The following ZDHHC3 variants were observed in gnomAD, a reference collection of about 807,000 sequenced individuals.
ZDHHC3 encodes the protein palmitoyltransferase ZDHHC3.
In ZDHHC3, 9 loss-of-function variants were observed where a neutral mutation model predicts 30.6. That is an observed-to-expected ratio of 0.29 (90% CI 0.18 to 0.51). ZDHHC3 has a LOEUF of 0.51. Among genes scored for constraint, ZDHHC3 ranks in the 20% least tolerant of loss-of-function variants. The probability of loss-of-function intolerance (pLI) is 0.97; values close to 1 mark genes in which losing one functional copy is unlikely to be tolerated. For synonymous variants in ZDHHC3, 136 were observed against 140.2 expected (o/e 0.97, Z 0.21); for missense variants, 246 against 384.2 (o/e 0.64, Z 3.01).
intron 5 of ZDHHC3, 93 bp from the exon 6 acceptor site, chr3:44,929,529 C>G: frequency 2.6e-6 from 4 of 1,515,870 alleles, no homozygotes; most frequent in Non-Finnish European, 2.7e-6. Flanking sequence ...CTGCCTCCTG[C>G]TTGCAGGCCT....
intron 3 of ZDHHC3, among the ~76,000 whole-genome samples, chr3:44,944,943 T>C (rs890573630): frequency 2.0e-5 from 3 of 152,152 alleles, no homozygotes; most frequent in Admixed American, 2.0e-4. Context: ...GGGACAGGTG[T>C]CCTGAGGCCA....
At chr3:44,930,670 C>T (rs1701412672) in intron 5 of ZDHHC3, among the ~76,000 whole-genome samples, 1 of 152,232 alleles carries the variant, frequency 6.6e-6, no homozygotes, top group Non-Finnish European at 1.5e-5. Flanking sequence ...AGATACCAAG[C>T]ACCATGTGGG....
At position 44,921,049 on chromosome 3, in the gene ZDHHC3, T is replaced by C; in HGVS notation, c.*5640A>G. The C allele has an allele frequency of 1.0e-6, 1 of 985,410 alleles. No homozygotes were observed. Among genetic ancestry groups the C allele is most frequent in the South Asian group, 4.7e-5 (1 of 21,284 alleles). 61.0% of individuals were successfully genotyped at this position (985,410 alleles called of 1,614,324 possible). A position where few individuals can be genotyped will look rare whatever the true frequency, so the allele number is the denominator to read the frequency against. The stretch of plus-strand genomic sequence containing the variant: ...AGGAGCAGTAATAGTAGCTTCAGGC[T>C]CAAGAGAACGAACAAAAATGGTTGA... On this transcript the variant is annotated 3_prime_UTR_variant, in exon 7 of 7. Transcript: ENST00000424952.
At chr3:44,962,832 C>A (rs1704601025) in intron 1 of ZDHHC3, among the ~76,000 whole-genome samples, 1 of 152,182 alleles carries the variant, frequency 6.6e-6, no homozygotes, top group Non-Finnish European at 1.5e-5. Context: ...CCCACATATC[C>A]TCTATTTACT....
Position 44,921,854 on chromosome 3 carries a change from C to A in ZDHHC3, c.*4835G>T. On this transcript the variant is annotated 3_prime_UTR_variant, in exon 7 of 7. Coordinates refer to ENST00000424952, the MANE Select transcript of ZDHHC3 (RefSeq NM_001135179.2). ...TGGTCACCAGACTATATGGCCTCAG[C>A]TGCAGAAATTCAGGGCATCCTTATG... 1.0e-6 allele frequency: 1 copy of A among 985,448 alleles called. No individual in the cohort carries two copies. Among genetic ancestry groups the A allele is most frequent in the South Asian group, 4.7e-5 (1 of 21,292 alleles). 61.0% of individuals were successfully genotyped at this position (985,448 alleles called of 1,614,324 possible). A position where few individuals can be genotyped will look rare whatever the true frequency, so the allele number is the denominator to read the frequency against.
chr3:44,955,027 C>T (rs1472140851), intron 2 of ZDHHC3, among the ~76,000 whole-genome samples: 2 of 152,100 alleles, frequency 1.3e-5, no homozygotes, highest in African/African-American at 4.8e-5. Context: ...ACACAGAAAG[C>T]CCCTATAATG....
chr3:44,926,669 G>C lies in ZDHHC3; in HGVS notation c.*20C>G. The C allele has an allele frequency of 6.4e-7, 1 of 1,572,286 alleles. No individual in the cohort carries two copies. Among genetic ancestry groups the C allele is most frequent in the Non-Finnish European group, 8.6e-7 (1 of 1,162,356 alleles). On this transcript the variant is annotated 3_prime_UTR_variant, in exon 7 of 7. Transcript: ENST00000424952. The stretch of plus-strand genomic sequence containing the variant: ...TGTGGTGTGGACTTGTGTCTGAGTG[G>C]CCATGCCGGTCGGGGTCCTTCAGAC...
Position 44,922,732 on chromosome 3 carries a change from C to CGCTCGGTTTCTGGTTT in ZDHHC3, c.*3956_*3957insAAACCAGAAACCGAGC. 5 of 984,680 alleles carry CGCTCGGTTTCTGGTTT rather than the reference C, an allele frequency of 5.1e-6. No homozygotes were observed. The highest frequency in any genetic ancestry group is 6.0e-6 in the Non-Finnish European group (5 of 829,328). The allele number at this position is 984,680 out of a possible 1,614,324, so 61.0% of individuals were successfully genotyped here. A position where few individuals can be genotyped will look rare whatever the true frequency, so the allele number is the denominator to read the frequency against. On this transcript the variant is annotated 3_prime_UTR_variant, in exon 7 of 7. Coordinates refer to ENST00000424952, the MANE Select transcript of ZDHHC3 (RefSeq NM_001135179.2). The stretch of plus-strand genomic sequence containing the variant: ...TGTTAAGACACGGGCTGCTGGGCCC[C>CGCTCGGTTTCTGGTTT]GCTCGGTTTCTGGTTCGGTAGCCTG...
chr3:44,975,594 T>C (rs1303296382), intron 1 of ZDHHC3: 1 of 151,856 alleles, frequency 6.6e-6, no homozygotes, highest in Non-Finnish European at 1.5e-5. Context: ...TTAGGACTAG[T>C]GTCCCCCATT....
intron 2 of ZDHHC3, among the ~76,000 whole-genome samples, chr3:44,955,721 C>A (rs1294171011): frequency 6.6e-6 from 1 of 152,172 alleles, no homozygotes; most frequent in Non-Finnish European, 1.5e-5. Flanking sequence ...GGGCTTCCAA[C>A]TCTGCTCCTT....
Position 44,958,776 on chromosome 3 carries a change from G to A in ZDHHC3, c.306+355C>T, listed in dbSNP as rs1173249839. 3.1e-5 allele frequency: 34 copies of A among 1,107,898 alleles called. 1 individual carries two copies. The highest frequency in any genetic ancestry group is 4.3e-5 in the Non-Finnish European group (33 of 771,732). 68.6% of individuals were successfully genotyped at this position (1,107,898 alleles called of 1,614,324 possible). A position where few individuals can be genotyped will look rare whatever the true frequency, so the allele number is the denominator to read the frequency against. ...CAATCCTGACCCAACCCTCCAGCAT[G>A]CTTTCTGCTCTGATCATCTGGCCCC... On this transcript the variant is annotated intron_variant, in intron 2 of 6. Transcript: ENST00000424952.
chr3:44,963,940 G>A (rs1483334342), intron 1 of ZDHHC3, among the ~76,000 whole-genome samples: 3 of 152,222 alleles, frequency 2.0e-5, no homozygotes, highest in Admixed American at 6.5e-5. Context: ...GCTCACACAC[G>A]AGGGATGATG....
chr3:44,919,691 C>T lies in ZDHHC3; in HGVS notation c.*6998G>A, dbSNP rs1324936033. 5.6e-6 allele frequency: 1 copy of T among 180,100 alleles called. No homozygotes were observed. Among genetic ancestry groups the T allele is most frequent in the Non-Finnish European group, 1.1e-5 (1 of 93,604 alleles). 11.2% of individuals were successfully genotyped at this position (180,100 alleles called of 1,614,324 possible). A position where few individuals can be genotyped will look rare whatever the true frequency, so the allele number is the denominator to read the frequency against. On this transcript the variant is annotated 3_prime_UTR_variant, in exon 7 of 7. Coordinates refer to ENST00000424952, the MANE Select transcript of ZDHHC3 (RefSeq NM_001135179.2). The stretch of plus-strand genomic sequence containing the variant: ...TGGAGAAATGTGAATAAGGTACATA[C>T]ATTAGTTAAGGGTATGGTGTTGCCA...
chr3:44,954,546 C>T (rs144866859), intron 2 of ZDHHC3, among the ~76,000 whole-genome samples: 1 of 152,300 alleles, frequency 6.6e-6, no homozygotes, highest in Non-Finnish European at 1.5e-5. Flanking sequence ...AATTGCCTAA[C>T]AACACATTTC....
chr3:44,924,134 A>AC lies in ZDHHC3; in HGVS notation c.*2554dup. The AC allele has an allele frequency of 5.1e-6, 5 of 985,408 alleles. No homozygotes were observed. The highest frequency in any genetic ancestry group is 6.0e-6 in the Non-Finnish European group (5 of 829,928). The allele number at this position is 985,408 out of a possible 1,614,324, so 61.0% of individuals were successfully genotyped here. A position where few individuals can be genotyped will look rare whatever the true frequency, so the allele number is the denominator to read the frequency against. On this transcript the variant is annotated 3_prime_UTR_variant, in exon 7 of 7. Coordinates refer to ENST00000424952, the MANE Select transcript of ZDHHC3 (RefSeq NM_001135179.2). ...GTTCAATTTCCCATGAGTGCACCAA[A>AC]CAGTACTATCAGAACTCCTGTGACC...
intron 1 of ZDHHC3, among the ~76,000 whole-genome samples, chr3:44,972,630 T>C (rs1367235980): frequency 6.6e-6 from 1 of 152,232 alleles, no homozygotes. Flanking sequence ...CTTTACCTTT[T>C]GTATTTGATA....
intron 1 of ZDHHC3, among the ~76,000 whole-genome samples, chr3:44,968,852 T>C (rs949645952): frequency 1.3e-5 from 2 of 152,200 alleles, no homozygotes; most frequent in African/African-American, 4.8e-5. Context: ...CTGTGAGAAC[T>C]ACCCGCCCTG....
intron 2 of ZDHHC3, among the ~76,000 whole-genome samples, chr3:44,950,648 C>G (rs1703365226): frequency 6.6e-6 from 1 of 152,224 alleles, no homozygotes; most frequent in African/African-American, 2.4e-5. Flanking sequence ...GGGCCAGCCC[C>G]CAAGACTGAG....
chr3:44,928,163 C>A (rs577643872), intron 6 of ZDHHC3, among the ~76,000 whole-genome samples: 2 of 152,328 alleles, frequency 1.3e-5, no homozygotes, highest in Admixed American at 6.5e-5. Flanking sequence ...AGGGCTGGAT[C>A]TATACCATTG....
Sources: allele counts gnomAD v4.1 joint callset (sites outside exome capture counted in the v4.1 genomes callset), GRCh38; gene constraint gnomAD v4.1.1; transcripts MANE v1.5; gene names NCBI Gene and HGNC (gene_info 2026-07-23, HGNC 2026-07-21).